Variants in NHS observed in about 807,000 individuals in gnomAD.
NHS encodes NHS actin remodeling regulator.
Under a neutral mutation model 72.5 loss-of-function variants are expected in NHS, and 5 were observed. That is an observed-to-expected ratio of 0.07 (90% confidence interval 0.04 to 0.14). NHS has a LOEUF of 0.14. Ranked by LOEUF, NHS falls within the 10% of genes least tolerant of loss-of-function variation. The pLI, the probability that NHS is intolerant of heterozygous loss-of-function variation, is 1.00. For missense variants in NHS, 1,072 were observed against 1,355.7 expected (o/e 0.79, Z 3.29); for synonymous variants, 464 against 547.7 (o/e 0.85, Z 2.13).
intron 1 of NHS, among the ~76,000 whole-genome samples, chrX:17,580,344 T>C (rs2065536731): frequency 8.9e-6 from 1 of 111,800 alleles, no homozygotes; most frequent in South Asian, 3.8e-4. Context: ...ATTCAACAAG[T>C]ATTAATTGAG....
At chrX:17,615,092 GTATATATATA>G (rs1427501082) in intron 1 of NHS, among the ~76,000 whole-genome samples, 1 of 94,275 alleles carries the variant, frequency 1.1e-5, no homozygotes, top group African/African-American at 4.0e-5. Context: ...ATATATGTGT[GTATATATATA>G]TGTATATATA....
At position 17,735,016 on chromosome X, in the gene NHS, A is replaced by G; in HGVS notation, c.*2552A>G. 1 of 112,520 alleles carries G rather than the reference A, an allele frequency of 8.9e-6. No individual in the cohort carries two copies. Among genetic ancestry groups the G allele is most frequent in the South Asian group, 3.7e-4 (1 of 2,725 alleles). The allele number at this position is 112,520 out of a possible 1,213,427, so 9.3% of individuals were successfully genotyped here. A position where few individuals can be genotyped will look rare whatever the true frequency, so the allele number is the denominator to read the frequency against. On this transcript the variant is annotated 3_prime_UTR_variant, in exon 9 of 9. Coordinates refer to ENST00000676302, the MANE Select transcript of NHS (RefSeq NM_001291867.2). Reference sequence around the variant, plus strand: ...TAAGTAATGGTACCATATATTTTTTAAAATACATATTGACTTGAATTGTGA... The same window carrying G: ...TAAGTAATGGTACCATATATTTTTTGAAATACATATTGACTTGAATTGTGA...
At chrX:17,447,628 A>T (rs766286472) in intron 1 of NHS, among the ~76,000 whole-genome samples, 30 of 111,216 alleles carry the variant, frequency 2.7e-4, no homozygotes, top group Admixed American at 9.6e-4. Context: ...CATTGTTTTT[A>T]TATACATGCA....
chrX:17,683,601 A>G (rs944680933), intron 1 of NHS, among the ~76,000 whole-genome samples: 1 of 111,180 alleles, frequency 9.0e-6, no homozygotes, highest in Non-Finnish European at 1.9e-5. Context: ...TTCCTCTTTG[A>G]GTTGTGTGCG....
chrX:17,535,456 A>G, intron 1 of NHS, among the ~76,000 whole-genome samples: 1 of 111,774 alleles, frequency 8.9e-6, no homozygotes, highest in Non-Finnish European at 1.9e-5. Context: ...CCGCTAACAG[A>G]TATTTCTCGT....
At chrX:17,685,484 C>T (rs1327942460) in intron 1 of NHS, among the ~76,000 whole-genome samples, 4 of 111,784 alleles carry the variant, frequency 3.6e-5, no homozygotes, top group Non-Finnish European at 7.5e-5. Context: ...TCTGTGAATT[C>T]ACAGTCCCAA....
At chrX:17,709,130 A>G (rs751668797) in intron 3 of NHS, among the ~76,000 whole-genome samples, 35 of 111,429 alleles carry the variant, frequency 3.1e-4, no homozygotes, top group African/African-American at 1.1e-3. Context: ...TTTGGAGAAG[A>G]GAGATGGATC....
chrX:17,518,416 A>C (rs902727929), intron 1 of NHS, among the ~76,000 whole-genome samples: 1 of 111,769 alleles, frequency 8.9e-6, no homozygotes, highest in Non-Finnish European at 1.9e-5. Flanking sequence ...CAAGGAGTGA[A>C]CGCATGGCCA....
chrX:17,387,163 C>T (rs1014359239), intron 1 of NHS, among the ~76,000 whole-genome samples: 1 of 112,150 alleles, frequency 8.9e-6, no homozygotes, highest in Non-Finnish European at 1.9e-5. Flanking sequence ...GTGCACTCCC[C>T]TACCTTCCTG....
At chrX:17,651,769 G>A (rs990411252) in intron 1 of NHS, among the ~76,000 whole-genome samples, 24 of 112,767 alleles carry the variant, frequency 2.1e-4, no homozygotes, top group African/African-American at 7.7e-4. Context: ...AGACAGTTTG[G>A]TGGACAACTA....
Position 17,726,587 on chromosome X carries a change from G to A in NHS, c.2481G>A (p.Gln827=), listed in dbSNP as rs754979315. ...CTGGTCTTCCAGATTGTGCCTGGCA[G>A]GACTACTTAGACCACAAGAGGCAGG... The part of the protein sequence containing the change: ...ASPGLPDCAW[Q]DYLDHKRQGR... The change falls in exon 7 of 9, where the codon CAG becomes CAA. Residue 827 remains glutamine, a synonymous_variant. Coordinates refer to ENST00000676302, the MANE Select transcript of NHS (RefSeq NM_001291867.2). 41 of 1,210,422 alleles carry A rather than the reference G, an allele frequency of 3.4e-5. No homozygotes were observed. The South Asian group carries it at 5.1e-4, about 15-fold the overall frequency.
At chrX:17,667,103 G>C (rs1188497811) in intron 1 of NHS, among the ~76,000 whole-genome samples, 1 of 112,591 alleles carries the variant, frequency 8.9e-6, no homozygotes, top group Non-Finnish European at 1.9e-5. Context: ...GACTTATTGA[G>C]GACTCCCCAT....
intron 1 of NHS, among the ~76,000 whole-genome samples, chrX:17,562,627 G>C (rs1277536873): frequency 1.8e-5 from 2 of 111,675 alleles, no homozygotes; most frequent in African/African-American, 3.3e-5. Context: ...CTTTCTCATA[G>C]TTATGGTCTT....
At chrX:17,417,037 T>C (rs184020310) in intron 1 of NHS, among the ~76,000 whole-genome samples, 13 of 110,887 alleles carry the variant, frequency 1.2e-4, no homozygotes, top group Admixed American at 1.9e-4. Context: ...TATTGTTATG[T>C]GATGACACAA....
chrX:17,429,168 G>A (rs1308078357), intron 1 of NHS, among the ~76,000 whole-genome samples: 1 of 110,673 alleles, frequency 9.0e-6, no homozygotes, highest in African/African-American at 3.3e-5. Flanking sequence ...AGTTCCTAAA[G>A]AAAGGATAAT....
intron 1 of NHS, among the ~76,000 whole-genome samples, chrX:17,535,719 C>T (rs1181237856): frequency 3.6e-5 from 4 of 111,076 alleles, no homozygotes; most frequent in South Asian, 3.8e-4. Context: ...GCTGGGACCA[C>T]GGGTGCCCAC....
At chrX:17,730,082 T>G (rs978704143) in intron 8 of NHS, among the ~76,000 whole-genome samples, 2 of 112,260 alleles carry the variant, frequency 1.8e-5, no homozygotes, top group African/African-American at 6.5e-5. Context: ...AACCATTAGT[T>G]TCTTTTCCTT....
intron 1 of NHS, among the ~76,000 whole-genome samples, chrX:17,540,573 A>G (rs756584728): frequency 8.9e-6 from 1 of 112,282 alleles, no homozygotes; most frequent in Non-Finnish European, 1.9e-5. Context: ...ACTACTAGGC[A>G]TCTGATTTGG....
chrX:17,512,432 G>A (rs1023259047), intron 1 of NHS, among the ~76,000 whole-genome samples: 1 of 112,261 alleles, frequency 8.9e-6, no homozygotes, highest in Non-Finnish European at 1.9e-5. Context: ...GTTGCAGCTT[G>A]TGACTTACCA....
Sources: allele counts gnomAD v4.1 joint callset (sites outside exome capture counted in the v4.1 genomes callset), GRCh38; gene constraint gnomAD v4.1.1; transcripts MANE v1.5; gene names NCBI Gene and HGNC (gene_info 2026-07-23, HGNC 2026-07-21).